Variants in TICAM2 observed in about 807,000 individuals in gnomAD.
TICAM2 encodes the protein TIR domain containing adaptor molecule 2.
A neutral mutation model predicts 7.3 loss-of-function variants in TICAM2; 8 were observed. The observed-to-expected ratio is 1.10, with a 90% CI of 0.65 to 1.99. The LOEUF (loss-of-function observed/expected upper bound fraction) is 1.99. Among genes scored for constraint, TICAM2 ranks in the 30% most tolerant of loss-of-function variants. The pLI, the probability that TICAM2 is intolerant of heterozygous loss-of-function variation, is 0.00. For missense variants in TICAM2, 304 were observed against 278.8 expected (o/e 1.09, Z -0.65); for synonymous variants, 113 against 99.6 (o/e 1.13, Z -0.80).
intron 1 of TICAM2, among the ~76,000 whole-genome samples, chr5:115,584,781 A>C (rs897110550): frequency 1.2e-4 from 19 of 152,188 alleles, no homozygotes; most frequent in African/African-American, 4.3e-4. Flanking sequence ...TGGTACCCTT[A>C]AACTAAAGTT....
chr5:115,580,739 ATGGG>A lies in TICAM2; in HGVS notation c.514_517del (p.Pro172CysfsTer4), dbSNP rs1754889849. 2 of 1,602,454 alleles carry A rather than the reference ATGGG, an allele frequency of 1.2e-6. No homozygotes were observed. The highest frequency in any genetic ancestry group is 1.7e-6 in the Non-Finnish European group (2 of 1,175,256). On this transcript the variant is annotated frameshift_variant, in exon 2 of 2. Transcript: ENST00000427199. LOFTEE classifies it high-confidence loss of function. ...GGGAAGGGGATTGTTCAGGGGCCGC[ATGGG>A]TATAACAGAGTTGTATTTATGCTGC...
intron 1 of TICAM2, among the ~76,000 whole-genome samples, chr5:115,601,867 CAA>C (rs898462290): frequency 3.3e-5 from 5 of 152,216 alleles, no homozygotes; most frequent in African/African-American, 1.2e-4. Context: ...CAAAATGAAA[CAA>C]AAAGGCAGAC....
chr5:115,588,885 G>A (rs530194782), intron 1 of TICAM2, among the ~76,000 whole-genome samples: 9 of 152,172 alleles, frequency 5.9e-5, no homozygotes, highest in Non-Finnish European at 8.8e-5. Flanking sequence ...CAGGCCAGTA[G>A]ACAAGTCTGT....
In TICAM2 at chr5:115,580,393, G is replaced by A. The variant is rs256996; in HGVS notation, c.*156C>T. On this transcript the variant is annotated 3_prime_UTR_variant, in exon 2 of 2. Transcript: ENST00000427199. ...ATCAAAAAGTACCACAATTTTATAG[G>A]CTGTCCTGCAGAAATTTATCTTTCT... is the stretch of plus-strand genomic sequence containing the variant. The A allele has an allele frequency of 0.51, 492,737 of 961,208 alleles. 128,843 individuals are homozygous for A. The highest frequency in any genetic ancestry group is 0.72 in the African/African-American group (41,854 of 57,808). 59.5% of individuals were successfully genotyped at this position (961,208 alleles called of 1,614,324 possible). A position where few individuals can be genotyped will look rare whatever the true frequency, so the allele number is the denominator to read the frequency against.
At chr5:115,599,948 A>T (rs1240049206) in intron 1 of TICAM2, among the ~76,000 whole-genome samples, 1 of 151,992 alleles carries the variant, frequency 6.6e-6, no homozygotes, top group African/African-American at 2.4e-5. Context: ...GACAAAAATC[A>T]CTGCTATTTG....
intron 1 of TICAM2, among the ~76,000 whole-genome samples, chr5:115,587,867 T>C (rs1157664665): frequency 1.3e-5 from 2 of 152,040 alleles, no homozygotes; most frequent in Non-Finnish European, 2.9e-5. Context: ...AGAATAGGTA[T>C]TGAAAAGAGA....
intron 1 of TICAM2, among the ~76,000 whole-genome samples, chr5:115,600,726 G>A (rs1223211707): frequency 6.6e-6 from 1 of 152,150 alleles, no homozygotes; most frequent in Admixed American, 6.5e-5. Flanking sequence ...AGGGGGTAAT[G>A]GGGACAAAAA....
At chr5:115,596,733 C>T (rs1385884395) in intron 1 of TICAM2, among the ~76,000 whole-genome samples, 1 of 152,140 alleles carries the variant, frequency 6.6e-6, no homozygotes, top group Non-Finnish European at 1.5e-5. Flanking sequence ...TCCTGACTAA[C>T]ATGGTGAAAC....
chr5:115,583,592 G>A (rs902902275), intron 1 of TICAM2, among the ~76,000 whole-genome samples: 1 of 152,168 alleles, frequency 6.6e-6, no homozygotes, highest in Non-Finnish European at 1.5e-5. Flanking sequence ...TCTGGAGGGA[G>A]GGAGTAAGGA....
At chr5:115,584,684 C>A (rs561336894) in intron 1 of TICAM2, among the ~76,000 whole-genome samples, 1 of 152,144 alleles carries the variant, frequency 6.6e-6, no homozygotes, top group East Asian at 1.9e-4. Flanking sequence ...AGAAAAACTA[C>A]CAATTACTGT....
chr5:115,593,350 T>G (rs1434600568), intron 1 of TICAM2, among the ~76,000 whole-genome samples: 1 of 151,994 alleles, frequency 6.6e-6, no homozygotes, highest in African/African-American at 2.4e-5. Context: ...AAGATCAACA[T>G]AAACAATTCA....
intron 1 of TICAM2, among the ~76,000 whole-genome samples, chr5:115,582,352 T>C (rs988941175): frequency 1.3e-5 from 2 of 150,450 alleles, no homozygotes; most frequent in Non-Finnish European, 3.0e-5. Context: ...TTTTTTTTTT[T>C]TGGTAGAGAT....
intron 1 of TICAM2, among the ~76,000 whole-genome samples, chr5:115,587,819 T>C (rs375272293): frequency 6.6e-6 from 1 of 152,122 alleles, no homozygotes; most frequent in East Asian, 1.9e-4. Context: ...AGATTGGGGA[T>C]ACAAGTTAGT....
chr5:115,580,430 G>C lies in TICAM2; in HGVS notation c.*119C>G. 7.9e-7 allele frequency: 1 copy of C among 1,264,806 alleles called. No individual in the cohort carries two copies. The highest frequency in any genetic ancestry group is 1.0e-6 in the Non-Finnish European group (1 of 970,654). The allele number at this position is 1,264,806 out of a possible 1,614,324, so 78.3% of individuals were successfully genotyped here. ...AAATTTATCTTTCTTGTGCTCCATAGGTTTCTTTAAGGTGAAGACTCTCTT... is the reference window on the plus strand; with the variant it reads ...AAATTTATCTTTCTTGTGCTCCATACGTTTCTTTAAGGTGAAGACTCTCTT... On this transcript the variant is annotated 3_prime_UTR_variant, in exon 2 of 2. Coordinates refer to ENST00000427199, the MANE Select transcript of TICAM2 (RefSeq NM_021649.7).
rs142065404 is a variant in TICAM2, at chr5:115,599,531, G to T, written c.-60+2566C>A. ...TTAGGGAACTCAAGCAACCAACAAT[G>T]TTTTAAAGGTTCCATAAGCTTCATG... On this transcript the variant is annotated intron_variant, in intron 1 of 1. Coordinates refer to ENST00000427199, the MANE Select transcript of TICAM2 (RefSeq NM_021649.7). 5.4e-3 allele frequency among the ~76,000 whole-genome samples: 828 copies of T among 152,290 alleles called. 8 individuals are homozygous for T. The highest frequency in any genetic ancestry group is 0.018 in the African/African-American group (765 of 41,552).
In TICAM2 at chr5:115,579,684, C is replaced by T. The variant is rs2127189104; in HGVS notation, c.*865G>A. The T allele has an allele frequency of 6.6e-6, 1 of 152,250 alleles. No homozygotes were observed. The highest frequency in any genetic ancestry group is 2.1e-4 in the South Asian group (1 of 4,828). The allele number at this position is 152,250 out of a possible 1,614,324, so 9.4% of individuals were successfully genotyped here. ...GCACACAGTCAGGCTACTTTGAAGA[C>T]CTAAATGAGAAATACTTCCTGAGAA... is the stretch of plus-strand genomic sequence containing the variant. On this transcript the variant is annotated 3_prime_UTR_variant, in exon 2 of 2. Transcript: ENST00000427199.
intron 1 of TICAM2, among the ~76,000 whole-genome samples, chr5:115,585,059 TGTAAATC>T (rs1257272991): frequency 6.6e-6 from 1 of 152,180 alleles, no homozygotes; most frequent in African/African-American, 2.4e-5. Flanking sequence ...ACTGCCTGAG[TGTAAATC>T]TCCTTCCTGC....
Position 115,580,869 on chromosome 5 carries a change from T to C in TICAM2, c.388A>G (p.Asn130Asp), listed in dbSNP as rs2127190269. The change falls in exon 2 of 2, where the codon AAT becomes GAT. Residue 130 changes from asparagine (N) to aspartate (D), a missense_variant. Physicochemically the swap from Asn to Asp is conservative, Grantham distance 23. Transcript: ENST00000427199. ...QHLQNLDDAV[N>D]GSAWTILLLT... ...AATAAGATTGTCCATGCAGACCCAT[T>C]TACAGCATCATCTAAATTCTGTAAA... 1.9e-6 allele frequency: 3 copies of C among 1,613,528 alleles called. No individual in the cohort carries two copies. Among genetic ancestry groups the C allele is most frequent in the Non-Finnish European group, 2.5e-6 (3 of 1,179,540 alleles).
Position 115,580,611 on chromosome 5 carries a change from T to C in TICAM2, c.646A>G (p.Lys216Glu), listed in dbSNP as rs765130174. 7 of 1,597,604 alleles carry C rather than the reference T, an allele frequency of 4.4e-6. No individual in the cohort carries two copies. Among genetic ancestry groups the C allele is most frequent in the Non-Finnish European group, 6.0e-6 (7 of 1,175,226 alleles). ...TCTTTCCATATAGTTTGTTGTGTCT[T>C]ATACACAGACTCCTGAAAAATTCTT... ...VERIFQESVY[K>E]TQQTIWKETR... is the part of the protein sequence containing the mutation. Residue 216 changes from lysine to glutamate, a missense_variant, in exon 2 of 2, where the codon AAG becomes GAG. Coordinates refer to ENST00000427199, the MANE Select transcript of TICAM2 (RefSeq NM_021649.7).
Sources: gnomAD v4.1 joint callset for allele counts (sites outside exome capture counted in the v4.1 genomes callset) on GRCh38, gnomAD v4.1.1 for gene constraint, MANE v1.5 for transcripts, NCBI Gene and HGNC (gene_info 2026-07-23, HGNC 2026-07-21) for gene names.